ADAMTSL3: variants seen among roughly 807,000 people sequenced by gnomAD.
ADAMTSL3 encodes ADAMTS like 3, also known as ADAMTS-like protein 3.
In ADAMTSL3, 128 loss-of-function variants were observed where a neutral mutation model predicts 201.7. That is an observed-to-expected ratio of 0.63 (90% CI 0.55 to 0.73). The LOEUF (loss-of-function observed/expected upper bound fraction) is 0.73, where lower values mean the gene tolerates loss of function less well. Ranked by LOEUF, ADAMTSL3 falls within the 30% of genes least tolerant of loss-of-function variation. The probability of loss-of-function intolerance (pLI) is 0.00; values close to 1 mark genes in which losing one functional copy is unlikely to be tolerated. For synonymous variants in ADAMTSL3, 738 were observed against 748.4 expected (o/e 0.99, Z 0.23); for missense variants, 1,990 against 2,119.6 (o/e 0.94, Z 1.20).
chr15:83,916,999 T>C (rs1438938236), intron 16 of ADAMTSL3, among the ~76,000 whole-genome samples: 1 of 152,198 alleles, frequency 6.6e-6, no homozygotes, highest in South Asian at 2.1e-4. Context: ...TTCAACGTGG[T>C]TCAGTAAGTT....
At chr15:83,948,189 C>T (rs138902316) in intron 19 of ADAMTSL3, among the ~76,000 whole-genome samples, 7 of 152,134 alleles carry the variant, frequency 4.6e-5, no homozygotes, top group Admixed American at 2.0e-4. Context: ...CTATGAATTA[C>T]AACTCGTGAA....
At chr15:83,913,478 C>T in intron 16 of ADAMTSL3, 100 bp downstream of exon 16, 4 of 1,221,026 alleles carry the variant, frequency 3.3e-6, no homozygotes, top group Non-Finnish European at 4.5e-6. Context: ...TAGCAAAAGT[C>T]TAAAGGAGGT....
rs1567093109 is a variant in ADAMTSL3 at position 83,714,824 on chromosome 15, T to TTTTC, written c.189+10317_189+10318insTTCT. On this transcript the variant is annotated intron_variant, in intron 3 of 29. Transcript: ENST00000286744. ...CTTTCTTTCTTCTTTCTTTCTTTCC[T>TTTTC]TCTCTCTCTCTTTCTTTCTCTCTCT... 5.1e-3 allele frequency among the ~76,000 whole-genome samples: 500 copies of TTTTC among 97,958 alleles called. 7 individuals carry two copies. Among genetic ancestry groups the TTTTC allele is most frequent in the Non-Finnish European group, 9.6e-3 (369 of 38,600 alleles). 64.3% of individuals were successfully genotyped at this position (97,958 alleles called of 152,430 possible).
At chr15:83,870,780 G>T in intron 8 of ADAMTSL3, 22 bp from the exon 9 acceptor site, 1 of 1,533,076 alleles carries the variant, frequency 6.5e-7, no homozygotes, top group South Asian at 1.2e-5. Flanking sequence ...TTTCTTATTT[G>T]AATCATATAT....
In ADAMTSL3 at chr15:83,819,938, A is replaced by C. The variant is rs779900828; in HGVS notation, c.491A>C (p.Lys164Thr). The C allele has an allele frequency of 1.2e-5, 19 of 1,614,004 alleles. No homozygotes were observed. In the Admixed American group the frequency reaches 3.2e-4, roughly 27 times the overall value. The change falls in exon 6 of 30, where the codon AAG (lysine) becomes ACG (threonine). Residue 164 changes from lysine to threonine, a missense_variant. Transcript: ENST00000286744. The part of the protein sequence containing the change: ...YNDPAAPCAL[K>T]CHAQGQNLVV... The stretch of plus-strand genomic sequence containing the variant: ...GATCCTGCTGCCCCGTGTGCACTCA[A>C]GTGTCATGCACAAGGACAAAACTTG...
chr15:83,682,610 T>G (rs1371434218), intron 2 of ADAMTSL3, among the ~76,000 whole-genome samples: 1 of 152,196 alleles, frequency 6.6e-6, no homozygotes, highest in Non-Finnish European at 1.5e-5. Context: ...ACTAAGTTGG[T>G]GTCTCATGGG....
At chr15:83,802,982 G>T (rs61674073) in intron 4 of ADAMTSL3, among the ~76,000 whole-genome samples, 2,200 of 152,186 alleles carry the variant, frequency 0.014, 49 homozygotes, top group African/African-American at 0.047. Flanking sequence ...TGTGTATTTT[G>T]TCACAATTTT....
At chr15:84,008,255 T>C (rs1295271795) in intron 23 of ADAMTSL3, among the ~76,000 whole-genome samples, 2 of 151,854 alleles carry the variant, frequency 1.3e-5, no homozygotes, top group Non-Finnish European at 2.9e-5. Context: ...GATTACAGGC[T>C]AAATGTTTTT....
chr15:83,798,773 C>T (rs1438659323), intron 4 of ADAMTSL3, among the ~76,000 whole-genome samples: 2 of 141,898 alleles, frequency 1.4e-5, no homozygotes, highest in African/African-American at 5.3e-5. Flanking sequence ...CGCCATTGCA[C>T]TCCAGCCTGA....
intron 3 of ADAMTSL3, among the ~76,000 whole-genome samples, chr15:83,750,637 C>T (rs1186123167): frequency 4.6e-5 from 7 of 152,010 alleles, no homozygotes; most frequent in Admixed American, 1.3e-4. Flanking sequence ...CTGCAACCTC[C>T]GCCTCCTGGG....
At chr15:83,828,966 G>A (rs959891125) in intron 6 of ADAMTSL3, among the ~76,000 whole-genome samples, 2 of 151,768 alleles carry the variant, frequency 1.3e-5, no homozygotes, top group Non-Finnish European at 2.9e-5. Context: ...ATGTTCATCA[G>A]GGATATTGGT....
chr15:83,728,100 T>C, intron 3 of ADAMTSL3, among the ~76,000 whole-genome samples: 1 of 152,036 alleles, frequency 6.6e-6, no homozygotes. Flanking sequence ...TGTTTTGACC[T>C]CTTTATCATT....
chr15:83,969,802 G>GA (rs2067159135), intron 19 of ADAMTSL3, among the ~76,000 whole-genome samples: 1 of 152,204 alleles, frequency 6.6e-6, no homozygotes, highest in African/African-American at 2.4e-5. Context: ...GAGATCTGCG[G>GA]AAAAACATAG....
intron 3 of ADAMTSL3, among the ~76,000 whole-genome samples, chr15:83,711,161 G>A (rs928149293): frequency 6.6e-6 from 1 of 152,028 alleles, no homozygotes; most frequent in African/African-American, 2.4e-5. Flanking sequence ...TTTCTAAAGA[G>A]GAGAAATCTA....
chr15:83,953,764 C>G lies in ADAMTSL3; in HGVS notation c.2490+10682C>G, dbSNP rs188268370. ...TCAGCTTTTGTTTGTCTGGGAAGAC[C>G]TTTATTTCTCCTTAATGCTTGAAGG... On this transcript the variant is annotated intron_variant, in intron 19 of 29. Coordinates refer to ENST00000286744, the MANE Select transcript of ADAMTSL3 (RefSeq NM_207517.3). Among the ~76,000 whole-genome samples, 731 of 152,196 alleles carry G rather than the reference C, an allele frequency of 4.8e-3. 6 individuals carry two copies. The highest frequency in any genetic ancestry group is 0.017 in the African/African-American group (706 of 41,528).
chr15:83,757,010 T>C (rs764981780), intron 3 of ADAMTSL3, among the ~76,000 whole-genome samples: 1 of 152,182 alleles, frequency 6.6e-6, no homozygotes, highest in Admixed American at 6.5e-5. Flanking sequence ...CTTTGCAGGG[T>C]ATAGCCCCTC....
intron 3 of ADAMTSL3, among the ~76,000 whole-genome samples, chr15:83,745,743 A>G (rs1961355649): frequency 1.3e-5 from 2 of 152,226 alleles, no homozygotes; most frequent in Non-Finnish European, 2.9e-5. Context: ...AGATGAAGCT[A>G]TCTACATTAA....
chr15:84,025,111 T>C, intron 26 of ADAMTSL3, 127 bp from the exon 27 acceptor site: 1 of 722,960 alleles, frequency 1.4e-6, no homozygotes, highest in South Asian at 2.1e-5. Context: ...TGCTTCCCAT[T>C]CCCATAGAGA....
chr15:83,853,243 C>A (rs2064657867), intron 7 of ADAMTSL3, among the ~76,000 whole-genome samples: 1 of 152,062 alleles, frequency 6.6e-6, no homozygotes, highest in Non-Finnish European at 1.5e-5. Flanking sequence ...CATTATTTTT[C>A]TAAATGATTA....
Sources: allele counts gnomAD v4.1 joint callset (sites outside exome capture counted in the v4.1 genomes callset), GRCh38; gene constraint gnomAD v4.1.1; transcripts MANE v1.5; gene names NCBI Gene and HGNC (gene_info 2026-07-23, HGNC 2026-07-21).